The following CNTN4 variants were observed in gnomAD, a reference collection of about 807,000 sequenced individuals.
CNTN4 encodes contactin-4.
A neutral mutation model predicts 122.5 loss-of-function variants in CNTN4; 77 were observed. The ratio of observed to expected loss-of-function variants is 0.63; its 90% CI spans 0.52 to 0.76. CNTN4 has a LOEUF of 0.76. CNTN4 is among the 30% of genes least tolerant of loss of function. The pLI is 0.00. For missense variants in CNTN4, 1,256 were observed against 1,259.1 expected, an observed-to-expected ratio of 1.00 and a Z score of 0.04; for synonymous variants, 512 against 447.0, an observed-to-expected ratio of 1.15 and a Z score of -1.83.
At chr3:2,716,131 C>T (rs989162914) in intron 4 of CNTN4, among the ~76,000 whole-genome samples, 1 of 151,990 alleles carries the variant, frequency 6.6e-6, no homozygotes, top group Non-Finnish European at 1.5e-5. Context: ...TGCCTGGCTA[C>T]TTTCTTCACT....
At chr3:2,411,791 C>A (rs935672016) in intron 3 of CNTN4, among the ~76,000 whole-genome samples, 6 of 151,978 alleles carry the variant, frequency 3.9e-5, no homozygotes, top group Non-Finnish European at 7.4e-5. Flanking sequence ...TTTATTCTGT[C>A]GTTGCTGTAT....
intron 3 of CNTN4, among the ~76,000 whole-genome samples, chr3:2,402,759 A>G (rs1472620634): frequency 4.6e-5 from 7 of 152,138 alleles, no homozygotes; most frequent in Non-Finnish European, 1.0e-4. Context: ...TATAAAATAT[A>G]GTAATAGCAA....
chr3:2,925,868 C>T, intron 13 of CNTN4, 89 bp downstream of exon 13: 1 of 1,127,122 alleles, frequency 8.9e-7, no homozygotes, highest in Non-Finnish European at 1.3e-6. Flanking sequence ...GGTGGGGTGA[C>T]TATCTGCTGT....
intron 10 of CNTN4, among the ~76,000 whole-genome samples, chr3:2,897,533 T>A (rs937035958): frequency 3.3e-5 from 5 of 152,162 alleles, no homozygotes; most frequent in Non-Finnish European, 7.3e-5. Context: ...GTTGAGTATC[T>A]CTTACCTGAA....
At chr3:2,240,988 T>A (rs2039912661) in intron 2 of CNTN4, among the ~76,000 whole-genome samples, 1 of 152,192 alleles carries the variant, frequency 6.6e-6, no homozygotes, top group African/African-American at 2.4e-5. Flanking sequence ...CTTGATTATA[T>A]GCCATTAGTA....
chr3:2,112,934 T>G (rs918930917), intron 2 of CNTN4, among the ~76,000 whole-genome samples: 1 of 152,124 alleles, frequency 6.6e-6, no homozygotes, highest in African/African-American at 2.4e-5. Context: ...TATTCTCCCC[T>G]GTTAGGTAAT....
chr3:2,899,786 A>G (rs1274943892), intron 10 of CNTN4, among the ~76,000 whole-genome samples: 1 of 152,166 alleles, frequency 6.6e-6, no homozygotes, highest in East Asian at 1.9e-4. Flanking sequence ...GGTTTGATAA[A>G]AATCAGAACT....
intron 3 of CNTN4, among the ~76,000 whole-genome samples, chr3:2,442,811 T>C (rs2151295300): frequency 6.6e-6 from 1 of 152,300 alleles, no homozygotes; most frequent in African/African-American, 2.4e-5. Context: ...TTACCAAACA[T>C]TTTTGAAATG....
At chr3:2,851,598 G>A (rs370560368) in intron 7 of CNTN4, among the ~76,000 whole-genome samples, 1 of 152,010 alleles carries the variant, frequency 6.6e-6, no homozygotes, top group African/African-American at 2.4e-5. Context: ...GCGTTTTATT[G>A]TTTACAAAGT....
rs564406534 is a variant in CNTN4, at chr3:2,463,627, C to T, written c.-88-107789C>T. On this transcript the variant is annotated intron_variant, in intron 3 of 24. Transcript: ENST00000418658. ...TACAAAAATCAGCTGGGTGTGGTGG[C>T]GAGCACCTATAATCCCAGCTACTTG... 5.3e-5 allele frequency among the ~76,000 whole-genome samples: 8 copies of T among 152,044 alleles called. 1 individual carries two copies. The South Asian group carries it at 1.2e-3, about 24-fold the overall frequency.
intron 13 of CNTN4, among the ~76,000 whole-genome samples, chr3:2,932,115 C>T (rs1293366482): frequency 2.0e-5 from 3 of 152,158 alleles, no homozygotes; most frequent in Admixed American, 1.3e-4. Context: ...CAGTGGCTCA[C>T]GCCTGTCATC....
chr3:2,355,235 G>A (rs2044818444), intron 3 of CNTN4, among the ~76,000 whole-genome samples: 1 of 152,186 alleles, frequency 6.6e-6, no homozygotes, highest in Non-Finnish European at 1.5e-5. Context: ...ATACAGAATA[G>A]TAAAGAACTA....
intron 12 of CNTN4, among the ~76,000 whole-genome samples, chr3:2,912,182 G>A (rs2094307950): frequency 1.3e-5 from 2 of 152,290 alleles, no homozygotes; most frequent in South Asian, 2.1e-4. Flanking sequence ...AATCCTGAAA[G>A]CAGCAAGAGA....
At chr3:2,486,570 C>T (rs548696123) in intron 3 of CNTN4, among the ~76,000 whole-genome samples, 1 of 151,910 alleles carries the variant, frequency 6.6e-6, no homozygotes, top group Non-Finnish European at 1.5e-5. Flanking sequence ...TGTGTTACCC[C>T]CCGGATTCAT....
intron 2 of CNTN4, among the ~76,000 whole-genome samples, chr3:2,172,755 G>A (rs2036572026): frequency 6.6e-6 from 1 of 152,154 alleles, no homozygotes; most frequent in Non-Finnish European, 1.5e-5. Flanking sequence ...GACTGACAGT[G>A]GAGATGGAGA....
At chr3:2,160,608 T>C (rs2035921488) in intron 2 of CNTN4, among the ~76,000 whole-genome samples, 1 of 152,200 alleles carries the variant, frequency 6.6e-6, no homozygotes, top group South Asian at 2.1e-4. Flanking sequence ...CTGTTATTGC[T>C]GCATCTCTCA....
At chr3:2,256,725 C>T (rs1358358302) in intron 2 of CNTN4, among the ~76,000 whole-genome samples, 1 of 152,118 alleles carries the variant, frequency 6.6e-6, no homozygotes, top group African/African-American at 2.4e-5. Flanking sequence ...AGGAATACAA[C>T]TTAAAAGGGA....
At chr3:2,359,254 G>A (rs1399632637) in intron 3 of CNTN4, among the ~76,000 whole-genome samples, 1 of 151,724 alleles carries the variant, frequency 6.6e-6, no homozygotes, top group Non-Finnish European at 1.5e-5. Context: ...TTTTACAGAT[G>A]GGCTTATTTT....
chr3:2,797,615 A>G (rs1364341730), intron 6 of CNTN4, among the ~76,000 whole-genome samples: 3 of 152,156 alleles, frequency 2.0e-5, no homozygotes, highest in Non-Finnish European at 2.9e-5. Flanking sequence ...AAAAACAAAA[A>G]CAAAAGCAAA....
Sources: allele counts gnomAD v4.1 joint callset (sites outside exome capture counted in the v4.1 genomes callset), GRCh38; gene constraint gnomAD v4.1.1; transcripts MANE v1.5; gene names NCBI Gene and HGNC (gene_info 2026-07-23, HGNC 2026-07-21).